Variants in BCKDHB observed in about 807,000 individuals in gnomAD.
The protein encoded by BCKDHB is branched chain keto acid dehydrogenase E1 subunit beta, also known as 2-oxoisovalerate dehydrogenase subunit beta, mitochondrial.
A neutral mutation model predicts 48.5 loss-of-function variants in BCKDHB; 41 were observed. The observed-to-expected ratio is 0.85, with a 90% CI of 0.66 to 1.10. BCKDHB has a LOEUF of 1.10. Ranked by LOEUF, BCKDHB falls within the 50% of genes least tolerant of loss-of-function variation. BCKDHB has a pLI of 0.00. For missense variants in BCKDHB, 496 were observed against 494.2 expected (o/e 1.00, Z -0.03); for synonymous variants, 201 against 174.8 (o/e 1.15, Z -1.18).
chr6:80,140,308 C>T (rs1771126748), intron 3 of BCKDHB, among the ~76,000 whole-genome samples: 2 of 152,164 alleles, frequency 1.3e-5, no homozygotes, highest in Admixed American at 1.3e-4. Flanking sequence ...CTTCTCCTGC[C>T]TAATTGCCCT....
intron 6 of BCKDHB, among the ~76,000 whole-genome samples, chr6:80,192,660 T>C (rs1434280409): frequency 6.6e-6 from 1 of 152,192 alleles, no homozygotes; most frequent in Non-Finnish European, 1.5e-5. Context: ...TGTTGTGTGT[T>C]AAATATACTG....
chr6:80,452,234 C>T, the BCKDHB span, among the ~76,000 whole-genome samples: 1 of 152,240 alleles, frequency 6.6e-6, no homozygotes, highest in Admixed American at 6.5e-5. Flanking sequence ...GGACCAAGCC[C>T]GATTTCAGTG....
intron 8 of BCKDHB, among the ~76,000 whole-genome samples, chr6:80,270,912 A>G (rs1372938111): frequency 6.6e-6 from 1 of 152,132 alleles, no homozygotes; most frequent in Non-Finnish European, 1.5e-5. Context: ...TAACTACAAA[A>G]TAACATGTAT....
chr6:80,218,085 A>G (rs1489526294), intron 8 of BCKDHB, among the ~76,000 whole-genome samples: 2 of 152,172 alleles, frequency 1.3e-5, no homozygotes, highest in Non-Finnish European at 2.9e-5. Context: ...GCATAAAACA[A>G]TGTGCTGGGG....
At chr6:80,395,921 G>A in the BCKDHB span, among the ~76,000 whole-genome samples, 2 of 152,228 alleles carry the variant, frequency 1.3e-5, no homozygotes, top group Admixed American at 1.3e-4. Flanking sequence ...GCTTCAGAGA[G>A]TACAAACCTC....
At chr6:80,419,700 C>T in the BCKDHB span, among the ~76,000 whole-genome samples, 1 of 152,180 alleles carries the variant, frequency 6.6e-6, no homozygotes, top group Non-Finnish European at 1.5e-5. Context: ...TTCCAGAGGT[C>T]CATGGTGAGA....
intron 8 of BCKDHB, among the ~76,000 whole-genome samples, chr6:80,224,584 C>T (rs10943698): frequency 0.62 from 93,644 of 151,888 alleles, 29,151 homozygotes; most frequent in South Asian, 0.76. Context: ...TTTGTAGAGA[C>T]GGGCTTTCGC....
chr6:80,360,334 A>T, the BCKDHB span, among the ~76,000 whole-genome samples: 1 of 152,234 alleles, frequency 6.6e-6, no homozygotes, highest in Non-Finnish European at 1.5e-5. Flanking sequence ...CTTTTCACAC[A>T]TCATTGTCAT....
chr6:80,232,385 A>G (rs150839521), intron 8 of BCKDHB, among the ~76,000 whole-genome samples: 213 of 152,154 alleles, frequency 1.4e-3, no homozygotes, highest in African/African-American at 5.1e-3. Flanking sequence ...CATTCTTTAC[A>G]ATTAATAAAC....
intron 9 of BCKDHB, among the ~76,000 whole-genome samples, chr6:80,335,773 G>A (rs530272963): frequency 1.1e-4 from 17 of 151,964 alleles, no homozygotes; most frequent in African/African-American, 4.1e-4. Context: ...AAAATGGTGA[G>A]GAAACTTTGA....
intron 9 of BCKDHB, among the ~76,000 whole-genome samples, chr6:80,280,082 G>A (rs1360153344): frequency 6.6e-6 from 1 of 152,188 alleles, no homozygotes; most frequent in Non-Finnish European, 1.5e-5. Flanking sequence ...ATGTGAGGCT[G>A]TAGCGTAAGG....
intron 9 of BCKDHB, among the ~76,000 whole-genome samples, chr6:80,288,088 A>G (rs1168819914): frequency 6.6e-6 from 1 of 150,436 alleles, no homozygotes; most frequent in East Asian, 2.0e-4. Flanking sequence ...AAATAACTTA[A>G]AAGCTTTTTT....
intron 9 of BCKDHB, among the ~76,000 whole-genome samples, chr6:80,326,631 T>C (rs1408808811): frequency 2.6e-5 from 4 of 152,204 alleles, no homozygotes; most frequent in Non-Finnish European, 4.4e-5. Flanking sequence ...CTCACACCTG[T>C]AATCCCAGCA....
the BCKDHB span, among the ~76,000 whole-genome samples, chr6:80,366,193 T>A: frequency 5.6e-4 from 85 of 152,134 alleles, no homozygotes; most frequent in Non-Finnish European, 1.1e-3. Context: ...AGTTGTAGAG[T>A]CGAGTTCCAT....
At chr6:80,269,997 A>C (rs1169321882) in intron 8 of BCKDHB, among the ~76,000 whole-genome samples, 1 of 152,124 alleles carries the variant, frequency 6.6e-6, no homozygotes, top group Non-Finnish European at 1.5e-5. Context: ...ATATCTAATT[A>C]AAATAGACAG....
chr6:80,316,931 A>G (rs1768478077), intron 9 of BCKDHB, among the ~76,000 whole-genome samples: 1 of 134,696 alleles, frequency 7.4e-6, no homozygotes, highest in Admixed American at 7.2e-5. Context: ...CCAGAACAGA[A>G]TCTTAGGGTG....
chr6:80,250,986 A>G (rs952286941), intron 8 of BCKDHB, among the ~76,000 whole-genome samples: 14 of 152,174 alleles, frequency 9.2e-5, no homozygotes, highest in African/African-American at 3.4e-4. Context: ...GAATTATGTG[A>G]TAACTATTTA....
chr6:80,238,379 G>A (rs1014922420), intron 8 of BCKDHB, among the ~76,000 whole-genome samples: 9 of 152,122 alleles, frequency 5.9e-5, no homozygotes, highest in East Asian at 1.9e-4. Context: ...GATTACAGGC[G>A]TGAGCCATCC....
At chr6:80,200,014 A>G (rs556389949) in intron 6 of BCKDHB, among the ~76,000 whole-genome samples, 32 of 144,816 alleles carry the variant, frequency 2.2e-4, no homozygotes, top group African/African-American at 8.0e-4. Context: ...CAGAGGTTGC[A>G]GATCACACCA....
Sources: gnomAD v4.1 joint callset for allele counts (sites outside exome capture counted in the v4.1 genomes callset) on GRCh38, gnomAD v4.1.1 for gene constraint, MANE v1.5 for transcripts, NCBI Gene and HGNC (gene_info 2026-07-23, HGNC 2026-07-21) for gene names.